The following MORC1 variants were observed in gnomAD, a reference collection of about 807,000 sequenced individuals.
MORC1 encodes the protein MORC family CW-type zinc finger 1.
Under a neutral mutation model 134.9 loss-of-function variants are expected in MORC1, and 59 were observed. That is an observed-to-expected ratio of 0.44 (90% confidence interval 0.35 to 0.54). MORC1 has a LOEUF of 0.54. MORC1 is among the 20% of genes least tolerant of loss of function. The pLI is 0.00. For missense variants in MORC1, 947 were observed against 1,134.5 expected (o/e 0.83, Z 2.37); for synonymous variants, 395 against 391.7 (o/e 1.01, Z -0.10).
At chr3:109,064,919 C>T (rs1950163243) in intron 9 of MORC1, among the ~76,000 whole-genome samples, 2 of 152,128 alleles carry the variant, frequency 1.3e-5, no homozygotes, top group Non-Finnish European at 2.9e-5. Context: ...CTTGCACCTC[C>T]TCTATCATTC....
intron 26 of MORC1, among the ~76,000 whole-genome samples, chr3:108,965,609 G>A (rs2715753): frequency 1.3e-5 from 2 of 152,064 alleles, no homozygotes; most frequent in African/African-American, 2.4e-5. Context: ...TCCTGATTTC[G>A]GTAATGGTTA....
intron 23 of MORC1, among the ~76,000 whole-genome samples, chr3:108,979,945 T>C (rs1371223199): frequency 1.3e-5 from 2 of 152,174 alleles, no homozygotes; most frequent in Non-Finnish European, 2.9e-5. Flanking sequence ...ATACTACTTG[T>C]CTTTCACTTG....
At chr3:109,022,886 A>C (rs958520801) in intron 17 of MORC1, among the ~76,000 whole-genome samples, 1 of 152,250 alleles carries the variant, frequency 6.6e-6, no homozygotes, top group African/African-American at 2.4e-5. Context: ...ATATAGTCTG[A>C]TATGGCAGAC....
chr3:109,061,852 T>G, intron 11 of MORC1, 136 bp downstream of exon 11: 2 of 820,170 alleles, frequency 2.4e-6, no homozygotes, highest in Non-Finnish European at 2.0e-6. Context: ...TTTACCTGAG[T>G]TAAAATCAAC....
intron 8 of MORC1, among the ~76,000 whole-genome samples, chr3:109,076,815 C>G (rs921383354): frequency 6.6e-6 from 1 of 151,814 alleles, no homozygotes; most frequent in Non-Finnish European, 1.5e-5. Flanking sequence ...CATCACACAC[C>G]AGGGCCTGGC....
intron 24 of MORC1, among the ~76,000 whole-genome samples, chr3:108,975,263 T>C (rs1947517126): frequency 6.6e-6 from 1 of 152,204 alleles, no homozygotes; most frequent in Non-Finnish European, 1.5e-5. Context: ...AAGACTAGTA[T>C]GAAATGGAAA....
chr3:109,049,054 T>G lies in MORC1; in HGVS notation c.1330+5674A>C, dbSNP rs371984318. 3 of 762,166 alleles carry G rather than the reference T, an allele frequency of 3.9e-6. No homozygotes were observed. The African/African-American group carries it at 5.7e-5, about 14-fold the overall frequency. 47.2% of individuals were successfully genotyped at this position (762,166 alleles called of 1,614,324 possible). A position where few individuals can be genotyped will look rare whatever the true frequency, so the allele number is the denominator to read the frequency against. On this transcript the variant is annotated intron_variant, in intron 14 of 27. Coordinates refer to ENST00000232603, the MANE Select transcript of MORC1 (RefSeq NM_014429.4). ...CTTCAAAAACTGAATTAAAAAGATA[T>G]GAACTGTTTCTCAGACTACATCTGC... is the stretch of plus-strand genomic sequence containing the variant.
intron 25 of MORC1, 119 bp downstream of exon 25, chr3:108,971,211 C>T (rs1185930610): frequency 3.9e-6 from 3 of 777,510 alleles, no homozygotes; most frequent in Non-Finnish European, 6.5e-6. Context: ...TATAAAGATG[C>T]TCATCTTTAT....
At chr3:108,973,737 C>T (rs1576583188) in intron 24 of MORC1, among the ~76,000 whole-genome samples, 1 of 151,646 alleles carries the variant, frequency 6.6e-6, no homozygotes, top group East Asian at 1.9e-4. Context: ...GCTGGGATTA[C>T]AGGCGCACGC....
chr3:109,028,059 A>G (rs543096136), intron 16 of MORC1, among the ~76,000 whole-genome samples, 170 bp from the exon 17 acceptor site: 46 of 152,318 alleles, frequency 3.0e-4, no homozygotes, highest in Non-Finnish European at 5.4e-4. Flanking sequence ...ATAACCTTAC[A>G]TCTCCAATTT....
At chr3:109,072,944 CACACACACACACACACACACAT>C (rs926847221) in intron 8 of MORC1, among the ~76,000 whole-genome samples, 29 of 54,312 alleles carry the variant, frequency 5.3e-4, no homozygotes, top group Non-Finnish European at 1.0e-3. Flanking sequence ...AACACACACA[CACACACACACACACACACACAT>C]ACACACACAC....
chr3:109,053,883 C>T (rs931654131), intron 14 of MORC1, among the ~76,000 whole-genome samples: 2 of 152,144 alleles, frequency 1.3e-5, no homozygotes, highest in Admixed American at 6.5e-5. Flanking sequence ...TTTCAGATAA[C>T]TAAAGTTTAT....
intron 8 of MORC1, among the ~76,000 whole-genome samples, chr3:109,088,680 C>G (rs550706674): frequency 4.7e-4 from 71 of 152,244 alleles, no homozygotes; most frequent in Non-Finnish European, 8.2e-4. Context: ...AAAAGTAGAA[C>G]TACCGTTCAA....
intron 13 of MORC1, among the ~76,000 whole-genome samples, chr3:109,056,863 C>T (rs1056163618): frequency 3.3e-5 from 5 of 152,072 alleles, no homozygotes; most frequent in African/African-American, 1.2e-4. Flanking sequence ...AAGTTTCAGA[C>T]CATTGGGAAA....
At position 108,971,286 on chromosome 3, in the gene MORC1, G is replaced by A. The variant is rs1476452831; in HGVS notation, c.2550+44C>T. ...TACATTTTTCTTCACTGAGATTCAG[G>A]CTATTCTATCATTCCCTCACAGTTC... On this transcript the variant is annotated intron_variant, in intron 25 of 27. Transcript: ENST00000232603. The A allele has an allele frequency of 2.6e-6, 4 of 1,539,496 alleles. No homozygotes were observed. In the Admixed American group the frequency reaches 6.7e-5, roughly 26 times the overall value.
chr3:108,968,597 C>T (rs1351264398), intron 26 of MORC1, among the ~76,000 whole-genome samples: 4 of 152,152 alleles, frequency 2.6e-5, no homozygotes, highest in Admixed American at 1.3e-4. Flanking sequence ...TACTCCATTA[C>T]CTATAAAAAC....
chr3:109,064,174 A>C (rs1442515103), intron 9 of MORC1, among the ~76,000 whole-genome samples: 1 of 152,154 alleles, frequency 6.6e-6, no homozygotes, highest in African/African-American at 2.4e-5. Context: ...ATAGAAAACA[A>C]TCTGGAAAGA....
At chr3:109,086,992 G>A (rs1950626482) in intron 8 of MORC1, among the ~76,000 whole-genome samples, 1 of 152,078 alleles carries the variant, frequency 6.6e-6, no homozygotes, top group Non-Finnish European at 1.5e-5. Context: ...TACAGTAGAA[G>A]AGAGACTGGG....
At chr3:109,105,448 G>A (rs556856099) in intron 3 of MORC1, among the ~76,000 whole-genome samples, 2 of 152,192 alleles carry the variant, frequency 1.3e-5, no homozygotes, top group African/African-American at 4.8e-5. Context: ...TCTTGAACCC[G>A]GGAGGCGGAG....
Sources: allele counts gnomAD v4.1 joint callset (sites outside exome capture counted in the v4.1 genomes callset), GRCh38; gene constraint gnomAD v4.1.1; transcripts MANE v1.5; gene names NCBI Gene and HGNC (gene_info 2026-07-23, HGNC 2026-07-21).